ITPK1: variants seen among roughly 807,000 people sequenced by gnomAD.
ITPK1 encodes inositol 1,3,4-trisphosphate 5/6-kinase.
ITPK1 carries 21 observed loss-of-function variants against 45.3 expected under a neutral mutation model. The observed-to-expected ratio is 0.46, with a 90% CI of 0.33 to 0.67. The LOEUF (loss-of-function observed/expected upper bound fraction) is 0.67. ITPK1 is among the 30% of genes least tolerant of loss of function. The probability of loss-of-function intolerance (pLI) is 0.02; values close to 1 mark genes in which losing one functional copy is unlikely to be tolerated. For synonymous variants in ITPK1, 258 were observed against 253.6 expected (o/e 1.02, Z -0.16); for missense variants, 474 against 573.5 (o/e 0.83, Z 1.77).
intron 2 of ITPK1, among the ~76,000 whole-genome samples, chr14:93,082,625 G>A (rs986952263): frequency 2.0e-5 from 3 of 152,172 alleles, no homozygotes; most frequent in African/African-American, 7.2e-5. Context: ...TTCCAGAACT[G>A]CCTCCTCCAG....
intron 4 of ITPK1, among the ~76,000 whole-genome samples, chr14:93,002,007 C>T (rs989498492): frequency 6.6e-6 from 1 of 152,154 alleles, no homozygotes; most frequent in African/African-American, 2.4e-5. Context: ...ACATGTTTCC[C>T]CCTCAAAACA....
intron 6 of ITPK1, 76 bp downstream of exon 6, chr14:92,962,675 A>G: frequency 8.6e-7 from 1 of 1,157,916 alleles, no homozygotes; most frequent in Non-Finnish European, 1.3e-6. Flanking sequence ...AGAGGGCACT[A>G]TAAACCCAGC....
At chr14:92,959,241 G>A (rs1010690206) in intron 7 of ITPK1, among the ~76,000 whole-genome samples, 4 of 152,332 alleles carry the variant, frequency 2.6e-5, no homozygotes, top group African/African-American at 4.8e-5. Context: ...AGGCCTAGCC[G>A]ATCCAGCTGC....
rs1170545130 is a variant in ITPK1 at position 93,076,367 on chromosome 14, CT to C, written c.120+227del. 6.6e-6 allele frequency among the ~76,000 whole-genome samples: 1 copy of C among 152,094 alleles called. No homozygotes were observed. Among genetic ancestry groups the C allele is most frequent in the Non-Finnish European group, 1.5e-5 (1 of 68,024 alleles). ...CCCTCAGGACTCCCAAACCAACCCT[CT>C]CCCCACTGACAAAGCCACAGCAACC... On this transcript the variant is annotated intron_variant, in intron 3 of 10. Transcript: ENST00000267615. The surrounding 1 kb of genome is among the most constrained non-coding windows in gnomAD (Gnocchi z 4.3).
chr14:92,999,310 T>C (rs1192566475), intron 4 of ITPK1, among the ~76,000 whole-genome samples: 2 of 152,222 alleles, frequency 1.3e-5, no homozygotes, highest in African/African-American at 4.8e-5. Context: ...TTTCTCCCCA[T>C]TTTTCTCAGG....
intron 3 of ITPK1, among the ~76,000 whole-genome samples, chr14:93,060,801 T>C (rs1890485447): frequency 6.6e-6 from 1 of 152,122 alleles, no homozygotes; most frequent in African/African-American, 2.4e-5. Flanking sequence ...TGACTAGAAA[T>C]ATCACAGAAG....
intron 10 of ITPK1, among the ~76,000 whole-genome samples, chr14:92,943,089 G>A (rs185272754): frequency 7.2e-5 from 11 of 152,368 alleles, no homozygotes; most frequent in East Asian, 5.8e-4. Context: ...AGGTGCCCGC[G>A]GTGGAAATAA....
chr14:92,941,073 G>A lies in ITPK1; in HGVS notation c.*488C>T. On this transcript the variant is annotated 3_prime_UTR_variant, in exon 11 of 11. Transcript: ENST00000267615. ...AAGCCTTGGTGGAGACCAGTAGGAG[G>A]AAAAACAAGGAAGGGGCAGGTCAGG... The A allele has an allele frequency of 8.3e-7, 1 of 1,202,460 alleles. No individual in the cohort carries two copies. Among genetic ancestry groups the A allele is most frequent in the African/African-American group, 1.6e-5 (1 of 63,000 alleles). 74.5% of individuals were successfully genotyped at this position (1,202,460 alleles called of 1,614,324 possible). A position where few individuals can be genotyped will look rare whatever the true frequency, so the allele number is the denominator to read the frequency against.
chr14:92,943,259 C>T lies in ITPK1; in HGVS notation c.902-1355G>A, dbSNP rs185514168. Among the ~76,000 whole-genome samples, 19 of 152,342 alleles carry T rather than the reference C, an allele frequency of 1.2e-4. 1 individual carries two copies. The highest frequency in any genetic ancestry group is 2.6e-4 in the Non-Finnish European group (18 of 68,020). ...GGGAGGGCAGTGATGACGTCCATGG[C>T]GTTCACAGCACTCGGGAAGTAGCAG... On this transcript the variant is annotated intron_variant, in intron 10 of 10. Coordinates refer to ENST00000267615, the MANE Select transcript of ITPK1 (RefSeq NM_014216.6).
intron 3 of ITPK1, among the ~76,000 whole-genome samples, chr14:93,023,073 T>C (rs1193489408): frequency 6.6e-6 from 1 of 151,456 alleles, no homozygotes; most frequent in Non-Finnish European, 1.5e-5. Flanking sequence ...TGTGCTGGGT[T>C]TCACCATGTT....
At chr14:93,047,117 G>A (rs571412780) in intron 3 of ITPK1, among the ~76,000 whole-genome samples, 3 of 152,320 alleles carry the variant, frequency 2.0e-5, no homozygotes, top group Non-Finnish European at 2.9e-5. Flanking sequence ...AGGCCAAGCC[G>A]GGCTGCTGGT....
Position 93,076,323 on chromosome 14 carries a change from A to G in ITPK1, c.120+272T>C, listed in dbSNP as rs997003868. On this transcript the variant is annotated intron_variant, in intron 3 of 10. Coordinates refer to ENST00000267615, the MANE Select transcript of ITPK1 (RefSeq NM_014216.6). The surrounding 1 kb of genome is among the most constrained non-coding windows in gnomAD (Gnocchi z 4.3). ...CCCTTCCCACACCCACCCTAACCTG[A>G]CCACTGCCATGCACACCCCCCTCAG... Among the ~76,000 whole-genome samples, 1 of 151,628 alleles carries G rather than the reference A, an allele frequency of 6.6e-6. No homozygotes were observed. The highest frequency in any genetic ancestry group is 6.6e-5 in the Admixed American group (1 of 15,224).
chr14:93,110,130 G>C (rs75471411), intron 2 of ITPK1, among the ~76,000 whole-genome samples: 1 of 152,134 alleles, frequency 6.6e-6, no homozygotes, highest in Non-Finnish European at 1.5e-5. Context: ...GCAGTCAGTC[G>C]TGGAGTCAGG....
chr14:93,111,459 C>T (rs755987472), intron 2 of ITPK1, among the ~76,000 whole-genome samples: 4 of 152,154 alleles, frequency 2.6e-5, no homozygotes, highest in Non-Finnish European at 4.4e-5. Context: ...GCCTGTAATC[C>T]CAGCACTCTG....
chr14:93,105,078 A>G (rs777962130), intron 2 of ITPK1, among the ~76,000 whole-genome samples: 79 of 152,330 alleles, frequency 5.2e-4, no homozygotes, highest in Non-Finnish European at 8.4e-4. Flanking sequence ...GGAATTTGGC[A>G]AAAGGTAGCA....
intron 3 of ITPK1, among the ~76,000 whole-genome samples, chr14:93,040,837 A>G (rs1889530018): frequency 6.6e-6 from 1 of 152,126 alleles, no homozygotes; most frequent in African/African-American, 2.4e-5. Flanking sequence ...GGAGAACTAG[A>G]AGCAAGGTCC....
At chr14:92,971,944 T>C (rs897443985) in intron 5 of ITPK1, among the ~76,000 whole-genome samples, 1 of 152,168 alleles carries the variant, frequency 6.6e-6, no homozygotes, top group African/African-American at 2.4e-5. Context: ...CCTGCCCTCC[T>C]GGGACACTGA....
chr14:92,951,743 C>T (rs1252633650), intron 9 of ITPK1, among the ~76,000 whole-genome samples: 1 of 152,084 alleles, frequency 6.6e-6, no homozygotes. Context: ...GGCCGGGCTG[C>T]AATGGCTGCT....
At position 93,030,515 on chromosome 14, in the gene ITPK1, G is replaced by A. The variant is rs149645571; in HGVS notation, c.121-13714C>T. On this transcript the variant is annotated intron_variant, in intron 3 of 10. Transcript: ENST00000267615. The stretch of plus-strand genomic sequence containing the variant: ...TAAGTTTGTGCCTAGCATTGCTCAA[G>A]CTCTGAAGATGCAACGTGAAGATGA... 4.6e-3 allele frequency among the ~76,000 whole-genome samples: 693 copies of A among 152,270 alleles called. 2 individuals carry two copies. The highest frequency in any genetic ancestry group is 6.6e-3 in the Non-Finnish European group (450 of 68,010).
Sources: gnomAD v4.1 joint callset for allele counts (sites outside exome capture counted in the v4.1 genomes callset) on GRCh38, gnomAD v4.1.1 for gene constraint, Gnocchi (gnomAD v3.1) non-coding constraint, MANE v1.5 for transcripts, NCBI Gene and HGNC (gene_info 2026-07-23, HGNC 2026-07-21) for gene names.